Variants in NMNAT2 observed in about 807,000 individuals in gnomAD.
The protein encoded by NMNAT2 is nicotinamide/nicotinic acid mononucleotide adenylyltransferase 2.
In NMNAT2, 11 loss-of-function variants were observed where a neutral mutation model predicts 41.6. That is an observed-to-expected ratio of 0.26 (90% confidence interval 0.17 to 0.44). The LOEUF (loss-of-function observed/expected upper bound fraction) is 0.44. Ranked by LOEUF, NMNAT2 falls within the 20% of genes least tolerant of loss-of-function variation. The pLI is 1.00. For missense variants in NMNAT2, 288 were observed against 407.7 expected, an observed-to-expected ratio of 0.71 and a Z score of 2.53; for synonymous variants, 148 against 151.2, an observed-to-expected ratio of 0.98 and a Z score of 0.16.
chr1:183,262,267 AT>A (rs1386857954), intron 8 of NMNAT2, among the ~76,000 whole-genome samples: 1 of 149,598 alleles, frequency 6.7e-6, no homozygotes, highest in Non-Finnish European at 1.5e-5. Context: ...TAACATTTTT[AT>A]TTTCTGACTG....
At position 183,287,883 on chromosome 1, in the gene NMNAT2, C is replaced by T. The variant is rs570545408; in HGVS notation, c.322-1095G>A. On this transcript the variant is annotated intron_variant, in intron 4 of 10. Coordinates refer to ENST00000287713, the MANE Select transcript of NMNAT2 (RefSeq NM_015039.4). ...TGGGCAGAGCAGTGTATGAGTCCTT[C>T]TGAGCCCTAGAAGGGCAGCATTTGT... Among the ~76,000 whole-genome samples, 90 of 152,318 alleles carry T rather than the reference C, an allele frequency of 5.9e-4. 1 individual carries two copies. The highest frequency in any genetic ancestry group is 3.7e-3 in the South Asian group (18 of 4,830).
chr1:183,279,263 C>T (rs1321688909), intron 7 of NMNAT2, among the ~76,000 whole-genome samples: 1 of 152,198 alleles, frequency 6.6e-6, no homozygotes, highest in Non-Finnish European at 1.5e-5. Flanking sequence ...TTTCTTCCCT[C>T]ATTAAGCTCA....
chr1:183,369,984 G>A (rs1373509072), intron 1 of NMNAT2, among the ~76,000 whole-genome samples: 1 of 152,012 alleles, frequency 6.6e-6, no homozygotes, highest in Non-Finnish European at 1.5e-5. Context: ...CAGGAAATCT[G>A]GCTCTGGAGC....
At chr1:183,404,034 C>T (rs908210136) in intron 1 of NMNAT2, among the ~76,000 whole-genome samples, 1 of 151,824 alleles carries the variant, frequency 6.6e-6, no homozygotes, top group Non-Finnish European at 1.5e-5. Context: ...CCCATTAGGA[C>T]TGCTGATCAG....
At chr1:183,365,844 C>T (rs1018220882) in intron 1 of NMNAT2, among the ~76,000 whole-genome samples, 6 of 152,122 alleles carry the variant, frequency 3.9e-5, no homozygotes, top group Non-Finnish European at 7.4e-5. Flanking sequence ...ACACTTGTCA[C>T]GATGTTTTTG....
At position 183,266,185 on chromosome 1, in the gene NMNAT2, C is replaced by T. The variant is rs898212028; in HGVS notation, c.652-4882G>A. ...CTGTAAGAGAATACATATGTGTTATCCTAAGCCACCAAGTTTGCAGAACTA... is the reference window on the plus strand; with the variant it reads ...CTGTAAGAGAATACATATGTGTTATTCTAAGCCACCAAGTTTGCAGAACTA... On this transcript the variant is annotated intron_variant, in intron 8 of 10. Coordinates refer to ENST00000287713, the MANE Select transcript of NMNAT2 (RefSeq NM_015039.4). 2.0e-5 allele frequency among the ~76,000 whole-genome samples: 3 copies of T among 152,290 alleles called. No individual in the cohort carries two copies. In the East Asian group the frequency reaches 5.8e-4, roughly 29 times the overall value.
At chr1:183,304,271 A>G (rs1472985099) in intron 1 of NMNAT2, among the ~76,000 whole-genome samples, 2 of 152,252 alleles carry the variant, frequency 1.3e-5, no homozygotes, top group Non-Finnish European at 2.9e-5. Context: ...GTAATGAAGA[A>G]AAGAGCAATA....
At chr1:183,362,556 T>C (rs1465274215) in intron 1 of NMNAT2, among the ~76,000 whole-genome samples, 1 of 152,232 alleles carries the variant, frequency 6.6e-6, no homozygotes, top group Non-Finnish European at 1.5e-5. Flanking sequence ...TTTTTTCCGT[T>C]AACAAAATGC....
intron 7 of NMNAT2, among the ~76,000 whole-genome samples, chr1:183,280,102 G>C (rs149868305): frequency 6.6e-6 from 1 of 152,298 alleles, no homozygotes; most frequent in African/African-American, 2.4e-5. Flanking sequence ...GCGCCTCTGC[G>C]TTGCGCCATA....
chr1:183,326,240 G>A (rs563481599), intron 1 of NMNAT2, among the ~76,000 whole-genome samples: 2 of 152,020 alleles, frequency 1.3e-5, no homozygotes, highest in African/African-American at 4.8e-5. Flanking sequence ...GCTGGGTATG[G>A]TGGTGCACAC....
chr1:183,391,210 C>A (rs1648472392), intron 1 of NMNAT2, among the ~76,000 whole-genome samples: 1 of 152,224 alleles, frequency 6.6e-6, no homozygotes, highest in Admixed American at 6.5e-5. Context: ...CTCATCCTCA[C>A]TCTGCAAGGA....
chr1:183,390,195 T>C (rs1386173871), intron 1 of NMNAT2, among the ~76,000 whole-genome samples: 1 of 152,120 alleles, frequency 6.6e-6, no homozygotes, highest in Non-Finnish European at 1.5e-5. Flanking sequence ...CGCATGAACA[T>C]CAATGTTAAA....
chr1:183,381,764 T>A (rs937324901), intron 1 of NMNAT2, among the ~76,000 whole-genome samples: 1 of 152,228 alleles, frequency 6.6e-6, no homozygotes, highest in African/African-American at 2.4e-5. Context: ...TAACAGTTAC[T>A]CTGTGAGGCA....
At chr1:183,279,932 G>A (rs901938776) in intron 7 of NMNAT2, among the ~76,000 whole-genome samples, 3 of 152,246 alleles carry the variant, frequency 2.0e-5, no homozygotes, top group African/African-American at 7.2e-5. Flanking sequence ...CTGGCATACA[G>A]TAGGTGCTCA....
At position 183,418,216 on chromosome 1, in the gene NMNAT2, T is replaced by C. The variant is rs773916982; in HGVS notation, c.52A>G (p.Asn18Asp). ...HVILLACGSF[N>D]PITKGHIQMF... ...TGAATGTGCCCTTTGGTGATGGGAT[T>C]GAAGCTGCCGCAGGCGAGCAAGATA... Residue 18 changes from asparagine to aspartate, a missense_variant, in exon 1 of 11, where the codon AAT becomes GAT. Transcript: ENST00000287713. 1 of 1,613,488 alleles carries C rather than the reference T, an allele frequency of 6.2e-7. No individual in the cohort carries two copies. The highest frequency in any genetic ancestry group is 8.5e-7 in the Non-Finnish European group (1 of 1,179,920).
rs528754851 is a variant in NMNAT2, at chr1:183,297,726, C to T, written c.86-3933G>A. ...TTTATTTTATAAAGCCAGTATTACC[C>T]TGATATCAAAACCAGGCAAAGACAG... On this transcript the variant is annotated intron_variant, in intron 1 of 10. Coordinates refer to ENST00000287713, the MANE Select transcript of NMNAT2 (RefSeq NM_015039.4). 2.6e-5 allele frequency among the ~76,000 whole-genome samples: 4 copies of T among 152,248 alleles called. No individual in the cohort carries two copies. In the East Asian group the frequency reaches 5.8e-4, roughly 22 times the overall value.
chr1:183,319,015 C>G (rs1662308502), intron 1 of NMNAT2, among the ~76,000 whole-genome samples: 1 of 152,206 alleles, frequency 6.6e-6, no homozygotes, highest in African/African-American at 2.4e-5. Context: ...CCCCTGCATT[C>G]TCCTCATTGC....
At position 183,394,961 on chromosome 1, in the gene NMNAT2, T is replaced by C. The variant is rs114579740; in HGVS notation, c.85+23222A>G. On this transcript the variant is annotated intron_variant, in intron 1 of 10. Transcript: ENST00000287713. ...TCTCAGAGATCCAGCCAGCCCACAA[T>C]ATCCCCGGATGGCAGTTACCCACCC... Among the ~76,000 whole-genome samples, 1,253 of 152,244 alleles carry C rather than the reference T, an allele frequency of 8.2e-3. 17 individuals are homozygous for C. The highest frequency in any genetic ancestry group is 0.029 in the African/African-American group (1,188 of 41,550).
At chr1:183,324,350 G>A (rs149275765) in intron 1 of NMNAT2, among the ~76,000 whole-genome samples, 1 of 152,204 alleles carries the variant, frequency 6.6e-6, no homozygotes, top group Non-Finnish European at 1.5e-5. Flanking sequence ...AAGGCGGAAT[G>A]AGCTAAGCTG....
Sources: allele counts gnomAD v4.1 joint callset (sites outside exome capture counted in the v4.1 genomes callset), GRCh38; gene constraint gnomAD v4.1.1; transcripts MANE v1.5; gene names NCBI Gene and HGNC (gene_info 2026-07-23, HGNC 2026-07-21).